CD99L2: variants seen among roughly 807,000 people sequenced by gnomAD.
The protein encoded by CD99L2 is CD99 antigen-like protein 2.
Under a neutral mutation model 27.3 loss-of-function variants are expected in CD99L2, and 24 were observed. The ratio of observed to expected loss-of-function variants is 0.88; its 90% CI spans 0.64 to 1.24. The LOEUF is 1.24. Ranked by LOEUF, CD99L2 falls within the 50% of genes most tolerant of loss-of-function variation. The pLI, the probability that CD99L2 is intolerant of heterozygous loss-of-function variation, is 0.00. For synonymous variants in CD99L2, 97 were observed against 87.9 expected (o/e 1.10, Z -0.58); for missense variants, 255 against 221.6 (o/e 1.15, Z -0.96).
intron 7 of CD99L2, among the ~76,000 whole-genome samples, chrX:150,783,325 G>A (rs2045544551): frequency 9.0e-6 from 1 of 110,907 alleles, no homozygotes; most frequent in Non-Finnish European, 1.9e-5. Context: ...ATATAAAACC[G>A]GGATCAACAG....
intron 1 of CD99L2, among the ~76,000 whole-genome samples, chrX:150,894,762 A>AT (rs2047579610): frequency 9.1e-6 from 1 of 109,612 alleles, no homozygotes; most frequent in African/African-American, 3.3e-5. Flanking sequence ...TAATTTTTGT[A>AT]TTTTTTGTAG....
At chrX:150,770,250 G>A in intron 10 of CD99L2, 54 bp downstream of exon 10, 1 of 1,105,708 alleles carries the variant, frequency 9.0e-7, no homozygotes, top group African/African-American at 1.8e-5. Flanking sequence ...TCTGCTCAGT[G>A]CTGGGACCAA....
At chrX:150,803,690 C>T (rs1178100597) in intron 4 of CD99L2, among the ~76,000 whole-genome samples, 7 of 111,809 alleles carry the variant, frequency 6.3e-5, no homozygotes, top group Non-Finnish European at 1.1e-4. Flanking sequence ...TTTGAACAAA[C>T]GGTGCTGGAG....
chrX:150,855,371 A>G (rs1290237369), intron 1 of CD99L2, among the ~76,000 whole-genome samples: 1 of 111,808 alleles, frequency 8.9e-6, no homozygotes, highest in Non-Finnish European at 1.9e-5. Context: ...ACAGTTCCAT[A>G]GGCTATGCAG....
At chrX:150,793,638 A>G in intron 7 of CD99L2, 53 bp downstream of exon 7, 1 of 1,026,756 alleles carries the variant, frequency 9.7e-7, no homozygotes, top group Non-Finnish European at 1.3e-6. Context: ...TTGCTGCATA[A>G]TCACCTTTTT....
At chrX:150,808,115 G>A (rs966406440) in intron 4 of CD99L2, among the ~76,000 whole-genome samples, 1 of 112,432 alleles carries the variant, frequency 8.9e-6, no homozygotes, top group African/African-American at 3.2e-5. Context: ...CTGAAAAGGT[G>A]TAGCTTCATA....
In CD99L2 at chrX:150,871,474, G is replaced by A. The variant is rs782433744; in HGVS notation, c.67+27048C>T. Reference sequence around the variant, plus strand: ...AATGACAGAAAAATCAAAGCTGGAGGAGCCGAACACCAGCAAATATTGGAT... The same window carrying A: ...AATGACAGAAAAATCAAAGCTGGAGAAGCCGAACACCAGCAAATATTGGAT... On this transcript the variant is annotated intron_variant, in intron 1 of 10. Transcript: ENST00000370377. Among the ~76,000 whole-genome samples the A allele has an allele frequency of 1.1e-4, 12 of 112,094 alleles. No individual in the cohort carries two copies. In the East Asian group the frequency reaches 3.1e-3, roughly 29 times the overall value.
At chrX:150,796,443 G>T (rs1557419911) in intron 4 of CD99L2, among the ~76,000 whole-genome samples, 1 of 112,461 alleles carries the variant, frequency 8.9e-6, no homozygotes, top group African/African-American at 3.2e-5. Context: ...AATCCACCAG[G>T]AAGACGTAAC....
intron 4 of CD99L2, among the ~76,000 whole-genome samples, chrX:150,808,979 A>G (rs2046035775): frequency 9.0e-6 from 1 of 111,367 alleles, no homozygotes; most frequent in South Asian, 3.8e-4. Context: ...TAAGAGTCAG[A>G]GAGAGATTTG....
At chrX:150,839,427 A>G (rs188153765) in intron 1 of CD99L2, among the ~76,000 whole-genome samples, 1 of 112,140 alleles carries the variant, frequency 8.9e-6, no homozygotes, top group Non-Finnish European at 1.9e-5. Flanking sequence ...AAAGGCCATT[A>G]CTGGGACAAT....
intron 1 of CD99L2, among the ~76,000 whole-genome samples, chrX:150,854,910 C>G (rs1175547444): frequency 9.1e-6 from 1 of 110,413 alleles, no homozygotes; most frequent in Non-Finnish European, 1.9e-5. Flanking sequence ...TGCCCCCCCT[C>G]CCCCCGGTGG....
chrX:150,793,869 G>GC (rs1402982894), intron 6 of CD99L2, 113 bp from the exon 7 acceptor site: 5 of 568,278 alleles, frequency 8.8e-6, no homozygotes, highest in Non-Finnish European at 1.3e-5. Flanking sequence ...ACTTAAGAAT[G>GC]CCCTTCATGA....
At chrX:150,819,056 A>C (rs2046207631) in intron 2 of CD99L2, 2 of 315,271 alleles carry the variant, frequency 6.3e-6, no homozygotes, top group Non-Finnish European at 1.2e-5. Context: ...CCCACAGCAA[A>C]TGGTAGACCG....
chrX:150,882,509 G>C (rs1433357950), intron 1 of CD99L2, among the ~76,000 whole-genome samples: 7 of 110,618 alleles, frequency 6.3e-5, no homozygotes, highest in African/African-American at 2.3e-4. Context: ...CTGATCACTT[G>C]AGGTCAGGAG....
intron 2 of CD99L2, chrX:150,818,928 G>T: frequency 2.7e-6 from 1 of 366,703 alleles, no homozygotes; most frequent in Non-Finnish European, 5.4e-6. Context: ...TTATTCCAGG[G>T]TTTATGTGCT....
At position 150,898,565 on chromosome X, in the gene CD99L2, G is replaced by C. The variant is rs183192693; in HGVS notation, c.24C>G (p.Phe8Leu). ...CCAAGGAGAAAGCGAGGCAGACAAG[G>C]AACGCCGAGCGCCAGGCCACCATGG... is the stretch of plus-strand genomic sequence containing the variant. MVAWRSA[F>L]LVCLAFSLAT... The change falls in exon 1 of 11, where the codon TTC (phenylalanine) becomes TTG (leucine). Residue 8 changes from phenylalanine to leucine, a missense_variant. By Grantham distance (22) the Phe-to-Leu change is conservative. Transcript: ENST00000370377. The C allele has an allele frequency of 5.4e-6, 6 of 1,117,917 alleles. No individual in the cohort carries two copies. The highest frequency in any genetic ancestry group is 6.3e-5 in the Admixed American group (2 of 31,644). The allele number at this position is 1,117,917 out of a possible 1,213,427, so 92.1% of individuals were successfully genotyped here. A position where few individuals can be genotyped will look rare whatever the true frequency, so the allele number is the denominator to read the frequency against.
chrX:150,777,848 G>A (rs782452233), intron 7 of CD99L2, among the ~76,000 whole-genome samples: 4 of 112,221 alleles, frequency 3.6e-5, no homozygotes, highest in South Asian at 7.4e-4. Context: ...GTGCTGTGCC[G>A]GGACAGCCCG....
chrX:150,898,407 T>G, intron 1 of CD99L2, 115 bp downstream of exon 1: 4 of 525,422 alleles, frequency 7.6e-6, no homozygotes, highest in Non-Finnish European at 7.6e-6. Flanking sequence ...GGCCGGCCGG[T>G]GGCAGCCACC....
intron 1 of CD99L2, among the ~76,000 whole-genome samples, chrX:150,891,940 G>A (rs2047519306): frequency 8.9e-6 from 1 of 111,790 alleles, no homozygotes; most frequent in South Asian, 3.7e-4. Context: ...AGCCAGGCGT[G>A]GTGGCTCACT....
Sources: allele counts gnomAD v4.1 joint callset (sites outside exome capture counted in the v4.1 genomes callset), GRCh38; gene constraint gnomAD v4.1.1; transcripts MANE v1.5; gene names NCBI Gene and HGNC (gene_info 2026-07-23, HGNC 2026-07-21).